Variants in ZNF704 observed in about 807,000 individuals in gnomAD.
ZNF704 encodes the protein glucocorticoid induced gene 1.
ZNF704 carries 10 observed loss-of-function variants against 44.7 expected under a neutral mutation model. That is an observed-to-expected ratio of 0.22 (90% CI 0.14 to 0.38). ZNF704 has a LOEUF of 0.38. Ranked by LOEUF, ZNF704 falls within the 10% of genes least tolerant of loss-of-function variation. The pLI, the probability that ZNF704 is intolerant of heterozygous loss-of-function variation, is 1.00. For missense variants in ZNF704, 390 were observed against 545.5 expected (o/e 0.71, Z 2.84); for synonymous variants, 211 against 207.6 (o/e 1.02, Z -0.14).
At chr8:80,782,124 C>T (rs754075217) in intron 2 of ZNF704, among the ~76,000 whole-genome samples, 1 of 152,182 alleles carries the variant, frequency 6.6e-6, no homozygotes, top group Non-Finnish European at 1.5e-5. Context: ...TCTCTCAGTA[C>T]CTCTTGCTTT....
At chr8:80,782,505 G>C (rs1167984651) in intron 2 of ZNF704, among the ~76,000 whole-genome samples, 1 of 152,080 alleles carries the variant, frequency 6.6e-6, no homozygotes, top group African/African-American at 2.4e-5. Context: ...ATACAATTAC[G>C]ATGTCCAGAT....
intron 1 of ZNF704, among the ~76,000 whole-genome samples, chr8:80,826,874 AC>A (rs536682364): frequency 1.6e-4 from 24 of 152,106 alleles, no homozygotes; most frequent in South Asian, 2.1e-4. Context: ...AAATTCAACA[AC>A]CCTTCATGCT....
intron 2 of ZNF704, among the ~76,000 whole-genome samples, chr8:80,757,808 C>T (rs555445147): frequency 9.2e-5 from 14 of 152,296 alleles, no homozygotes; most frequent in Admixed American, 3.9e-4. Context: ...TACAATAACA[C>T]GCTGTACAAG....
intron 5 of ZNF704, among the ~76,000 whole-genome samples, chr8:80,666,035 A>C (rs1318161528): frequency 6.6e-6 from 1 of 151,844 alleles, no homozygotes; most frequent in Admixed American, 6.6e-5. Context: ...ACATATGTAT[A>C]CATGTGCCGT....
At chr8:80,797,966 T>A in intron 2 of ZNF704, among the ~76,000 whole-genome samples, 1 of 152,214 alleles carries the variant, frequency 6.6e-6, no homozygotes. Flanking sequence ...ATGTAAGTGG[T>A]TAAAGGTAGC....
chr8:80,765,964 G>A (rs371417193), intron 2 of ZNF704, among the ~76,000 whole-genome samples: 6 of 152,090 alleles, frequency 3.9e-5, no homozygotes, highest in East Asian at 1.9e-4. Flanking sequence ...AGTTTACTGC[G>A]TATGTAAGAA....
intron 2 of ZNF704, among the ~76,000 whole-genome samples, chr8:80,799,509 A>C (rs1179824156): frequency 6.6e-6 from 1 of 152,150 alleles, no homozygotes; most frequent in Non-Finnish European, 1.5e-5. Context: ...CAGGTACAGG[A>C]AAAACTGAGG....
intron 2 of ZNF704, among the ~76,000 whole-genome samples, chr8:80,746,913 A>G (rs956674692): frequency 6.6e-6 from 1 of 152,176 alleles, no homozygotes; most frequent in Non-Finnish European, 1.5e-5. Context: ...GTACACATCA[A>G]TCAGTCCATA....
intron 2 of ZNF704, among the ~76,000 whole-genome samples, chr8:80,796,170 G>A (rs979343366): frequency 1.3e-5 from 2 of 152,184 alleles, no homozygotes; most frequent in East Asian, 3.8e-4. Flanking sequence ...TACAGTTGTA[G>A]AGGCTGAGAA....
chr8:80,736,495 G>A (rs1286735899), intron 2 of ZNF704, among the ~76,000 whole-genome samples: 2 of 152,148 alleles, frequency 1.3e-5, no homozygotes, highest in Admixed American at 1.3e-4. Context: ...GGCCAGGCTG[G>A]TCTTGATTTC....
In ZNF704 at chr8:80,780,885, A is replaced by T. The variant is rs1048019195; in HGVS notation, c.221+40489T>A. Among the ~76,000 whole-genome samples the T allele has an allele frequency of 3.3e-5, 5 of 152,308 alleles. No individual in the cohort carries two copies. The East Asian group carries it at 9.7e-4, about 29-fold the overall frequency. ...TTGGTCAGGTCAACCCACAGTTCAT[A>T]ATCTGTTACAGCAGCCCTAAGAAAC... is the stretch of plus-strand genomic sequence containing the variant. On this transcript the variant is annotated intron_variant, in intron 2 of 8. Coordinates refer to ENST00000327835, the MANE Select transcript of ZNF704 (RefSeq NM_001033723.3).
chr8:80,883,925 T>C, the ZNF704 span, among the ~76,000 whole-genome samples: 2 of 152,212 alleles, frequency 1.3e-5, no homozygotes, highest in Non-Finnish European at 2.9e-5. Flanking sequence ...ATGTTTGTTA[T>C]TTTATCTCAA....
chr8:80,871,822 C>T (rs1278158902), intron 1 of ZNF704, among the ~76,000 whole-genome samples: 2 of 152,000 alleles, frequency 1.3e-5, no homozygotes, highest in Admixed American at 6.5e-5. Context: ...AAAGATAAAC[C>T]TCAAATGACT....
intron 2 of ZNF704, among the ~76,000 whole-genome samples, chr8:80,738,388 A>G (rs1010791401): frequency 3.3e-5 from 5 of 152,236 alleles, no homozygotes; most frequent in Admixed American, 2.6e-4. Flanking sequence ...AAAGGTTTTT[A>G]TAGACACATT....
chr8:80,708,083 C>G lies in ZNF704; in HGVS notation c.222-14976G>C, dbSNP rs116221332. On this transcript the variant is annotated intron_variant, in intron 2 of 8. Transcript: ENST00000327835. Reference sequence around the variant, plus strand: ...TATGTTTCTGTCAGTTCATACAGCTCTTATTTGATGACTGATCAATTTGAA... The same window carrying G: ...TATGTTTCTGTCAGTTCATACAGCTGTTATTTGATGACTGATCAATTTGAA... Among the ~76,000 whole-genome samples, 650 of 152,304 alleles carry G rather than the reference C, an allele frequency of 4.3e-3. 3 individuals carry two copies. Among genetic ancestry groups the G allele is most frequent in the African/African-American group, 0.015 (631 of 41,562 alleles).
In ZNF704 at chr8:80,687,467, A is replaced by G. The variant is rs1368865215; in HGVS notation, c.326-9T>C. ...GGATCCGCTGAGGCTCTCTGCATGC[A>G]CACAAACACAGTCAGTGCCAGGACC... On this transcript the variant is annotated splice_polypyrimidine_tract_variant and intron_variant, in intron 3 of 8. Transcript: ENST00000327835. 7.2e-6 allele frequency: 11 copies of G among 1,525,838 alleles called. No individual in the cohort carries two copies. The highest frequency in any genetic ancestry group is 9.7e-6 in the Non-Finnish European group (11 of 1,136,316). 94.5% of individuals were successfully genotyped at this position (1,525,838 alleles called of 1,614,324 possible). A position where few individuals can be genotyped will look rare whatever the true frequency, so the allele number is the denominator to read the frequency against.
intron 1 of ZNF704, among the ~76,000 whole-genome samples, chr8:80,846,338 G>A (rs1808766679): frequency 6.6e-6 from 1 of 151,928 alleles, no homozygotes; most frequent in African/African-American, 2.4e-5. Flanking sequence ...ATCTTAGAGG[G>A]TAAGAACTAA....
the ZNF704 span, among the ~76,000 whole-genome samples, chr8:80,880,968 G>A: frequency 3.3e-5 from 5 of 152,244 alleles, no homozygotes; most frequent in Non-Finnish European, 7.3e-5. Flanking sequence ...GTTACTGAGA[G>A]TATGAGTATG....
intron 2 of ZNF704, among the ~76,000 whole-genome samples, chr8:80,796,049 T>A (rs774835209): frequency 7.2e-5 from 11 of 152,222 alleles, no homozygotes; most frequent in Non-Finnish European, 1.5e-4. Context: ...TTGGAAAAAC[T>A]GACCTTTAGC....
Sources: gnomAD v4.1 joint callset for allele counts (sites outside exome capture counted in the v4.1 genomes callset) on GRCh38, gnomAD v4.1.1 for gene constraint, MANE v1.5 for transcripts, NCBI Gene and HGNC (gene_info 2026-07-23, HGNC 2026-07-21) for gene names.